Variants in MAGI2 observed in about 807,000 individuals in gnomAD.
The protein encoded by MAGI2 is membrane associated guanylate kinase, WW and PDZ domain containing 2, also known as membrane-associated guanylate kinase, WW and PDZ domain-containing protein 2.
Under a neutral mutation model 133.3 loss-of-function variants are expected in MAGI2, and 35 were observed. The observed-to-expected ratio is 0.26, with a 90% CI of 0.20 to 0.35. The LOEUF (loss-of-function observed/expected upper bound fraction) is 0.35. Among genes scored for constraint, MAGI2 ranks in the 10% least tolerant of loss-of-function variants. The pLI, the probability that MAGI2 is intolerant of heterozygous loss-of-function variation, is 1.00. For synonymous variants in MAGI2, 729 were observed against 710.6 expected (o/e 1.03, Z -0.41); for missense variants, 1,636 against 1,863.4 (o/e 0.88, Z 2.25).
At chr7:79,319,725 C>A (rs1341487151) in intron 1 of MAGI2, among the ~76,000 whole-genome samples, 1 of 152,084 alleles carries the variant, frequency 6.6e-6, no homozygotes, top group African/African-American at 2.4e-5. Context: ...AAACTTCTAC[C>A]ATCTTAAAAC....
At chr7:78,502,082 G>A (rs1794678039) in intron 4 of MAGI2, among the ~76,000 whole-genome samples, 1 of 152,086 alleles carries the variant, frequency 6.6e-6, no homozygotes, top group African/African-American at 2.4e-5. Flanking sequence ...GGCCCCTGAA[G>A]ATATTCATAT....
chr7:78,862,176 A>G (rs1376814510), intron 2 of MAGI2, among the ~76,000 whole-genome samples: 2 of 152,148 alleles, frequency 1.3e-5, no homozygotes, highest in African/African-American at 4.8e-5. Context: ...CCTTGAGAGA[A>G]AGGTTTTCTT....
At chr7:78,299,379 A>G (rs1797628009) in intron 9 of MAGI2, among the ~76,000 whole-genome samples, 1 of 152,252 alleles carries the variant, frequency 6.6e-6, no homozygotes, top group Non-Finnish European at 1.5e-5. Flanking sequence ...GATAGAAAAT[A>G]CCACACAATC....
At chr7:79,030,823 C>T (rs769080257) in intron 1 of MAGI2, among the ~76,000 whole-genome samples, 7 of 152,104 alleles carry the variant, frequency 4.6e-5, no homozygotes, top group Admixed American at 2.6e-4. Context: ...CTTTTCAATT[C>T]AAATGACTTG....
chr7:78,755,753 T>C (rs939289880), intron 2 of MAGI2, among the ~76,000 whole-genome samples: 5 of 152,154 alleles, frequency 3.3e-5, no homozygotes, highest in African/African-American at 4.8e-5. Context: ...TGATGTAAAA[T>C]TTGGAAGTAT....
intron 9 of MAGI2, among the ~76,000 whole-genome samples, chr7:78,325,020 C>T (rs1788442207): frequency 6.6e-6 from 1 of 152,132 alleles, no homozygotes; most frequent in African/African-American, 2.4e-5. Flanking sequence ...AAATCTGTCT[C>T]TCTATAGCTG....
intron 2 of MAGI2, among the ~76,000 whole-genome samples, chr7:78,756,204 G>C (rs1309795524): frequency 4.6e-5 from 7 of 152,172 alleles, no homozygotes; most frequent in African/African-American, 7.2e-5. Context: ...CATGAGTCAG[G>C]CAGGAGATCA....
chr7:78,040,142 C>T (rs1449704303), intron 21 of MAGI2, among the ~76,000 whole-genome samples: 1 of 152,206 alleles, frequency 6.6e-6, no homozygotes, highest in Non-Finnish European at 1.5e-5. Flanking sequence ...GCTGCTATTG[C>T]CAGAGCATTC....
chr7:78,214,612 AAAGT>A (rs1418176983), intron 10 of MAGI2, among the ~76,000 whole-genome samples: 1 of 152,148 alleles, frequency 6.6e-6, no homozygotes, highest in African/African-American at 2.4e-5. Flanking sequence ...TTACTTTTTA[AAAGT>A]AAGATCTGGA....
intron 2 of MAGI2, among the ~76,000 whole-genome samples, chr7:78,979,952 T>C (rs1804636862): frequency 6.6e-6 from 1 of 151,908 alleles, no homozygotes; most frequent in Admixed American, 6.6e-5. Context: ...CTTTTCTCAG[T>C]ATTTTGTATC....
chr7:78,710,507 T>C (rs1015685913), intron 2 of MAGI2, among the ~76,000 whole-genome samples: 2 of 151,902 alleles, frequency 1.3e-5, no homozygotes, highest in Non-Finnish European at 2.9e-5. Flanking sequence ...GCAAGCTTAA[T>C]CTCTGAATGA....
chr7:78,638,897 T>C (rs1809970108), intron 2 of MAGI2, among the ~76,000 whole-genome samples: 1 of 152,228 alleles, frequency 6.6e-6, no homozygotes, highest in Admixed American at 6.5e-5. Flanking sequence ...ATTTAGCAGA[T>C]AATGTTTCAA....
chr7:79,174,493 A>G (rs1186702739), intron 1 of MAGI2, among the ~76,000 whole-genome samples: 5 of 151,982 alleles, frequency 3.3e-5, no homozygotes, highest in Non-Finnish European at 2.9e-5. Context: ...AAAAAATTAC[A>G]ACAAAATACC....
chr7:78,486,962 G>C, intron 6 of MAGI2: 1 of 526,294 alleles, frequency 1.9e-6, no homozygotes, highest in South Asian at 1.4e-5. Context: ...CGGGTCCATG[G>C]CTGGCAGTGG....
rs375172075 is a variant in MAGI2 at position 78,132,976 on chromosome 7, A to G, written c.3116T>C (p.Leu1039Pro). ...QQSPLAQQSP[L>P]AQPSPATPNS... ...GGGGGTGGCTGGGCTTGGCTGGGCCAGGGGACTCTGCTGTGCCAGGGGACT... is the reference window on the plus strand; with the variant it reads ...GGGGGTGGCTGGGCTTGGCTGGGCCGGGGGACTCTGCTGTGCCAGGGGACT... The change falls in exon 18 of 22, where the codon CTG (leucine) becomes CCG (proline). Residue 1039 changes from leucine (L) to proline (P), a missense_variant. By Grantham distance (98) the Leu-to-Pro change is moderately conservative (BLOSUM62 -3). Transcript: ENST00000354212. 74 of 1,612,836 alleles carry G rather than the reference A, an allele frequency of 4.6e-5. No homozygotes were observed. The highest frequency in any genetic ancestry group is 6.3e-5 in the Non-Finnish European group (74 of 1,179,632).
intron 6 of MAGI2, among the ~76,000 whole-genome samples, chr7:78,483,064 A>G (rs571150590): frequency 7.2e-5 from 11 of 151,956 alleles, no homozygotes; most frequent in Middle Eastern, 3.4e-3. Context: ...AGATTGTACC[A>G]TTATCAGTTT....
chr7:78,975,162 G>A lies in MAGI2; in HGVS notation c.418+31928C>T, dbSNP rs577274474. On this transcript the variant is annotated intron_variant, in intron 2 of 21. Transcript: ENST00000354212. The stretch of plus-strand genomic sequence containing the variant: ...AGTAAGGATATAGTTGACTCGAATA[G>A]CACCACGAATCAGTTTAACCTAATT... Among the ~76,000 whole-genome samples the A allele has an allele frequency of 6.5e-4, 98 of 151,820 alleles. 2 individuals are homozygous for A. Among genetic ancestry groups the A allele is most frequent in the Non-Finnish European group, 7.5e-4 (51 of 67,812 alleles).
At chr7:78,384,089 T>G (rs911247293) in intron 6 of MAGI2, among the ~76,000 whole-genome samples, 2 of 152,070 alleles carry the variant, frequency 1.3e-5, no homozygotes, top group Non-Finnish European at 2.9e-5. Flanking sequence ...TCTTTTTTTT[T>G]GGTTCCATAT....
At chr7:78,538,202 C>G (rs562975047) in intron 3 of MAGI2, among the ~76,000 whole-genome samples, 1 of 152,114 alleles carries the variant, frequency 6.6e-6, no homozygotes, top group African/African-American at 2.4e-5. Context: ...ATTTTTATGC[C>G]AGCACCATGC....
Sources: gnomAD v4.1 joint callset for allele counts (sites outside exome capture counted in the v4.1 genomes callset) on GRCh38, gnomAD v4.1.1 for gene constraint, MANE v1.5 for transcripts, NCBI Gene and HGNC (gene_info 2026-07-23, HGNC 2026-07-21) for gene names.